The following FAM184B variants were observed in gnomAD, a reference collection of about 807,000 sequenced individuals.
FAM184B encodes the protein family with sequence similarity 184 member B.
In FAM184B, 111 loss-of-function variants were observed where a neutral mutation model predicts 135.9. That is an observed-to-expected ratio of 0.82 (90% CI 0.70 to 0.96). The LOEUF (loss-of-function observed/expected upper bound fraction) is 0.96. FAM184B is among the 40% of genes least tolerant of loss of function. FAM184B has a pLI of 0.00. For missense variants in FAM184B, 1,375 were observed against 1,323.9 expected (o/e 1.04, Z -0.60); for synonymous variants, 552 against 524.8 (o/e 1.05, Z -0.71).
chr4:17,737,144 CAA>C (rs1254082784), intron 1 of FAM184B, among the ~76,000 whole-genome samples: 14 of 116,172 alleles, frequency 1.2e-4, no homozygotes, highest in Admixed American at 9.2e-5. Flanking sequence ...GACTTCGTCT[CAA>C]AAAAAAAAAA....
At chr4:17,644,044 T>C (rs1052105770) in intron 12 of FAM184B, among the ~76,000 whole-genome samples, 24 of 152,262 alleles carry the variant, frequency 1.6e-4, no homozygotes, top group Admixed American at 9.8e-4. Flanking sequence ...CAGCATGAGA[T>C]ATGCTGGGCA....
At chr4:17,667,304 G>A (rs1161344310) in intron 7 of FAM184B, among the ~76,000 whole-genome samples, 1 of 152,182 alleles carries the variant, frequency 6.6e-6, no homozygotes, top group Non-Finnish European at 1.5e-5. Flanking sequence ...TGGGATTGCT[G>A]CATTGTCATG....
chr4:17,671,206 T>G (rs181180336), intron 7 of FAM184B, among the ~76,000 whole-genome samples: 68 of 152,190 alleles, frequency 4.5e-4, no homozygotes, highest in African/African-American at 1.5e-3. Context: ...AAGTACCATA[T>G]GATCATGAAG....
intron 1 of FAM184B, among the ~76,000 whole-genome samples, chr4:17,727,831 GA>G (rs1333827813): frequency 6.6e-6 from 1 of 152,184 alleles, no homozygotes; most frequent in Non-Finnish European, 1.5e-5. Flanking sequence ...CCTAATAAAT[GA>G]AATGGTCAAA....
intron 5 of FAM184B, 30 bp downstream of exon 5, chr4:17,704,970 C>A: frequency 6.5e-7 from 1 of 1,528,650 alleles, no homozygotes; most frequent in Middle Eastern, 1.7e-4. Flanking sequence ...AAAAAAGAAC[C>A]AGAACAGTCT....
At chr4:17,704,423 C>A (rs1366173307) in intron 5 of FAM184B, among the ~76,000 whole-genome samples, 1 of 152,190 alleles carries the variant, frequency 6.6e-6, no homozygotes, top group Non-Finnish European at 1.5e-5. Flanking sequence ...CCTGTATCGA[C>A]CTGCTGCCCA....
chr4:17,770,758 G>A (rs1337562874), intron 1 of FAM184B, among the ~76,000 whole-genome samples: 7 of 152,116 alleles, frequency 4.6e-5, no homozygotes, highest in Non-Finnish European at 1.0e-4. Flanking sequence ...GAGCCACCGC[G>A]CCCGGCCAGA....
intron 12 of FAM184B, among the ~76,000 whole-genome samples, chr4:17,645,731 T>G (rs1715447941): frequency 6.6e-6 from 1 of 151,292 alleles, no homozygotes; most frequent in Non-Finnish European, 1.5e-5. Flanking sequence ...ACAAGTGGGA[T>G]CTAATTAAAC....
chr4:17,634,633 A>AT (rs1429064455), intron 16 of FAM184B, among the ~76,000 whole-genome samples: 1 of 152,172 alleles, frequency 6.6e-6, no homozygotes, highest in Non-Finnish European at 1.5e-5. Context: ...CAAAAATACT[A>AT]TTTTTTAAGA....
At position 17,739,555 on chromosome 4, in the gene FAM184B, G is replaced by GTTTTTTTTTTTTTTTTTTTT. The variant is rs397992408; in HGVS notation, c.142-29912_142-29911insAAAAAAAAAAAAAAAAAAAA. Among the ~76,000 whole-genome samples, 136 of 62,506 alleles carry GTTTTTTTTTTTTTTTTTTTT rather than the reference G, an allele frequency of 2.2e-3. 42 individuals carry two copies. Among genetic ancestry groups the GTTTTTTTTTTTTTTTTTTTT allele is most frequent in the East Asian group, 3.5e-3 (6 of 1,702 alleles). The allele number at this position is 62,506 out of a possible 152,430, so 41.0% of individuals were successfully genotyped here. On this transcript the variant is annotated intron_variant, in intron 1 of 17. Transcript: ENST00000265018. ...CCCTACACCATATGTCATACCAACT[G>GTTTTTTTTTTTTTTTTTTTT]TTTTTTTTTTTTTTTTGAGATGGGG...
At chr4:17,693,170 GC>G (rs1379638601) in intron 6 of FAM184B, 131 bp downstream of exon 6, 2 of 606,186 alleles carry the variant, frequency 3.3e-6, no homozygotes, top group Non-Finnish European at 2.9e-6. Context: ...CTAAATGCAC[GC>G]CCCCCGAGAC....
chr4:17,641,942 C>G, intron 13 of FAM184B, 114 bp downstream of exon 13: 4 of 1,396,776 alleles, frequency 2.9e-6, no homozygotes, highest in Non-Finnish European at 1.9e-6. Context: ...GGGCAGGATG[C>G]CGAGGCAGTG....
At chr4:17,687,931 A>G (rs1236168828) in intron 7 of FAM184B, among the ~76,000 whole-genome samples, 2 of 152,078 alleles carry the variant, frequency 1.3e-5, no homozygotes, top group Non-Finnish European at 2.9e-5. Context: ...GAACAATCCA[A>G]CCCACCGTGA....
chr4:17,662,080 C>T (rs1239393571), intron 8 of FAM184B, among the ~76,000 whole-genome samples: 1 of 152,192 alleles, frequency 6.6e-6, no homozygotes, highest in Non-Finnish European at 1.5e-5. Context: ...AAGCATCATA[C>T]AAACAGAATC....
intron 7 of FAM184B, among the ~76,000 whole-genome samples, chr4:17,682,049 C>G (rs1246400615): frequency 6.6e-6 from 1 of 152,148 alleles, no homozygotes; most frequent in African/African-American, 2.4e-5. Context: ...AGCCCTATGG[C>G]TTGTATAGTG....
intron 12 of FAM184B, among the ~76,000 whole-genome samples, chr4:17,642,619 A>G (rs1715354363): frequency 6.6e-6 from 1 of 152,140 alleles, no homozygotes; most frequent in Non-Finnish European, 1.5e-5. Flanking sequence ...CTCAGGGGGA[A>G]CTGATAAGCT....
chr4:17,759,641 C>T (rs1414676272), intron 1 of FAM184B, among the ~76,000 whole-genome samples: 1 of 152,018 alleles, frequency 6.6e-6, no homozygotes, highest in East Asian at 1.9e-4. Context: ...TACAGACATC[C>T]ACCACCACAT....
At chr4:17,772,208 C>T (rs533257679) in intron 1 of FAM184B, among the ~76,000 whole-genome samples, 28 of 152,226 alleles carry the variant, frequency 1.8e-4, no homozygotes, top group African/African-American at 6.7e-4. Flanking sequence ...ATTCATTTCA[C>T]GTATAACTTT....
At chr4:17,758,865 AG>A (rs1472964925) in intron 1 of FAM184B, among the ~76,000 whole-genome samples, 8 of 151,678 alleles carry the variant, frequency 5.3e-5, no homozygotes, top group African/African-American at 1.5e-4. Context: ...TACCGAATTT[AG>A]GGGGTAAAAA....
Sources: allele counts gnomAD v4.1 joint callset (sites outside exome capture counted in the v4.1 genomes callset), GRCh38; gene constraint gnomAD v4.1.1; transcripts MANE v1.5; gene names NCBI Gene and HGNC (gene_info 2026-07-23, HGNC 2026-07-21).